OPTN: variants seen among roughly 807,000 people sequenced by gnomAD.
OPTN encodes the protein E3-14.7K-interacting protein.
A neutral mutation model predicts 70.4 loss-of-function variants in OPTN; 54 were observed. The ratio of observed to expected loss-of-function variants is 0.77; its 90% confidence interval spans 0.62 to 0.96. The LOEUF (loss-of-function observed/expected upper bound fraction) is 0.96. Among genes scored for constraint, OPTN ranks in the 40% least tolerant of loss-of-function variants. OPTN has a pLI of 0.00. For synonymous variants in OPTN, 256 were observed against 248.5 expected (o/e 1.03, Z -0.28); for missense variants, 624 against 673.2 (o/e 0.93, Z 0.81).
chr10:13,136,864 T>G lies in OPTN; in HGVS notation c.1732T>G (p.Ter578GluextTer53), dbSNP rs1833712680. The change falls in exon 15 of 15, where the codon TAA becomes GAA. Residue 578 changes from the stop codon to glutamate, a stop_lost. Coordinates refer to ENST00000378747, the MANE Select transcript of OPTN (RefSeq NM_001008212.2). Reference protein sequence around the residue: ...LQIHVMDCII* With the variant: ...LQIHVMDCIIE Reference sequence around the variant, plus strand: ...GATTCACGTGATGGATTGCATCATTTAAGTGTTGATGTATCACCTCCCCAA... The same window carrying G: ...GATTCACGTGATGGATTGCATCATTGAAGTGTTGATGTATCACCTCCCCAA... 24 of 1,614,128 alleles carry G rather than the reference T, an allele frequency of 1.5e-5. No homozygotes were observed. The highest frequency in any genetic ancestry group is 2.0e-5 in the Non-Finnish European group (24 of 1,180,054).
chr10:13,118,621 A>G lies in OPTN; in HGVS notation c.627-267A>G, dbSNP rs551052317. 3.3e-5 allele frequency among the ~76,000 whole-genome samples: 5 copies of G among 152,302 alleles called. No homozygotes were observed. In the South Asian group the frequency reaches 1.0e-3, roughly 32 times the overall value. Reference sequence around the variant, plus strand: ...AGTTTTGTGGTGTGGTGTGAGGTACACAGTGACTGTTTGGAGGACGTGGGT... The same window carrying G: ...AGTTTTGTGGTGTGGTGTGAGGTACGCAGTGACTGTTTGGAGGACGTGGGT... On this transcript the variant is annotated intron_variant, in intron 6 of 14. Coordinates refer to ENST00000378747, the MANE Select transcript of OPTN (RefSeq NM_001008212.2).
chr10:13,115,890 A>G (rs143964908), intron 5 of OPTN, among the ~76,000 whole-genome samples: 1 of 151,896 alleles, frequency 6.6e-6, no homozygotes, highest in Non-Finnish European at 1.5e-5. Flanking sequence ...AGCATTTTGC[A>G]TTTTAAAGGA....
rs1833724214 is a variant in OPTN, at chr10:13,137,457, C to A, written c.*591C>A. 4.3e-6 allele frequency: 1 copy of A among 231,472 alleles called. No homozygotes were observed. The highest frequency in any genetic ancestry group is 1.7e-4 in the South Asian group (1 of 5,996). The allele number at this position is 231,472 out of a possible 1,614,324, so 14.3% of individuals were successfully genotyped here. A position where few individuals can be genotyped will look rare whatever the true frequency, so the allele number is the denominator to read the frequency against. Reference sequence around the variant, plus strand: ...TGTTTGGTTGATGCGAGCAGCTGCACTGCTCATGCAGTTAGCTAGCATGTG... The same window carrying A: ...TGTTTGGTTGATGCGAGCAGCTGCAATGCTCATGCAGTTAGCTAGCATGTG... On this transcript the variant is annotated 3_prime_UTR_variant, in exon 15 of 15. Coordinates refer to ENST00000378747, the MANE Select transcript of OPTN (RefSeq NM_001008212.2).
At chr10:13,129,579 T>C (rs1833548949) in intron 12 of OPTN, among the ~76,000 whole-genome samples, 1 of 152,124 alleles carries the variant, frequency 6.6e-6, no homozygotes, top group Non-Finnish European at 1.5e-5. Context: ...TCTCGAACAG[T>C]TGACCTCATG....
chr10:13,118,953 T>C lies in OPTN; in HGVS notation c.692T>C (p.Leu231Ser). The part of the protein sequence containing the change: ...GAKNYFEHEE[L>S]TVSQLLLCLR... ...AAGAATTACTTCGAACATGAGGAGT[T>C]AACTGTGAGCCAGCTCCTGCTGTGC... Residue 231 changes from leucine to serine, a missense_variant, in exon 7 of 15, where the codon TTA becomes TCA. Leu to Ser is a moderately radical substitution (Grantham distance 145, BLOSUM62 -2). Coordinates refer to ENST00000378747, the MANE Select transcript of OPTN (RefSeq NM_001008212.2). 1 of 1,614,056 alleles carries C rather than the reference T, an allele frequency of 6.2e-7. No homozygotes were observed. Among genetic ancestry groups the C allele is most frequent in the African/African-American group, 1.3e-5 (1 of 75,038 alleles).
At chr10:13,123,605 G>A (rs964651552) in intron 8 of OPTN, among the ~76,000 whole-genome samples, 3 of 152,200 alleles carry the variant, frequency 2.0e-5, no homozygotes, top group African/African-American at 7.2e-5. Flanking sequence ...AAATAGTTGA[G>A]TAAACTAGAA....
chr10:13,115,518 TATTCTATAATATATA>T (rs1833180860), intron 5 of OPTN, among the ~76,000 whole-genome samples: 1 of 110,006 alleles, frequency 9.1e-6, no homozygotes, highest in East Asian at 2.6e-4. Flanking sequence ...ATATATAATA[TATTCTATAATATATA>T]ATATAGAATA....
At chr10:13,130,459 C>CAA (rs1833572645) in intron 12 of OPTN, among the ~76,000 whole-genome samples, 1 of 130,940 alleles carries the variant, frequency 7.6e-6, no homozygotes, top group African/African-American at 2.8e-5. Context: ...AAAAATCAGA[C>CAA]ACTGTTCTTA....
chr10:13,103,591 C>T (rs1001388636), intron 1 of OPTN, among the ~76,000 whole-genome samples: 2 of 152,172 alleles, frequency 1.3e-5, no homozygotes, highest in Non-Finnish European at 2.9e-5. Context: ...CATGTGCCAT[C>T]GAAACCAGAC....
chr10:13,119,603 A>G (rs193190449), intron 7 of OPTN, among the ~76,000 whole-genome samples: 55 of 152,262 alleles, frequency 3.6e-4, no homozygotes, highest in African/African-American at 1.2e-3. Context: ...CGGTATCGCT[A>G]TTTCATATTC....
At chr10:13,119,290 A>G (rs1303995382) in intron 7 of OPTN, among the ~76,000 whole-genome samples, 3 of 152,256 alleles carry the variant, frequency 2.0e-5, no homozygotes, top group African/African-American at 7.2e-5. Context: ...GACATTTCAT[A>G]TAAATGGAAT....
intron 5 of OPTN, 31 bp downstream of exon 5, chr10:13,112,666 C>A (rs1833034458): frequency 6.2e-7 from 1 of 1,604,046 alleles, no homozygotes; most frequent in South Asian, 1.1e-5. Context: ...TTGTTTTGAG[C>A]AAACTATAAA....
rs1332117621 is a variant in OPTN at position 13,137,166 on chromosome 10, C to T, written c.*300C>T. On this transcript the variant is annotated 3_prime_UTR_variant, in exon 15 of 15. Transcript: ENST00000378747. Reference sequence around the variant, plus strand: ...TGGTGGCGCATGCCTGTAGTCGCAGCTACTCGCGAGGTTGAGGCAGGAGAA... The same window carrying T: ...TGGTGGCGCATGCCTGTAGTCGCAGTTACTCGCGAGGTTGAGGCAGGAGAA... The T allele has an allele frequency of 4.6e-6, 2 of 436,780 alleles. No individual in the cohort carries two copies. Among genetic ancestry groups the T allele is most frequent in the South Asian group, 4.2e-5 (2 of 47,600 alleles). 27.1% of individuals were successfully genotyped at this position (436,780 alleles called of 1,614,324 possible). A position where few individuals can be genotyped will look rare whatever the true frequency, so the allele number is the denominator to read the frequency against.
At chr10:13,100,684 G>T (rs1322976478) in intron 1 of OPTN, among the ~76,000 whole-genome samples, 1 of 152,230 alleles carries the variant, frequency 6.6e-6, no homozygotes, top group Non-Finnish European at 1.5e-5. Flanking sequence ...AGACACGCCT[G>T]TGGGAGACAT....
chr10:13,120,819 A>G (rs1467219445), intron 7 of OPTN, among the ~76,000 whole-genome samples: 1 of 152,146 alleles, frequency 6.6e-6, no homozygotes, highest in Non-Finnish European at 1.5e-5. Flanking sequence ...ACCGCCTGAG[A>G]CTGGGTAATT....
chr10:13,124,051 T>TA lies in OPTN; in HGVS notation c.939_940insA (p.Gln314ThrfsTer11). ...AGGTGACATCTCTGTTTAAGGAGCTTCAAGAGGCTCATACAAAACTCAGCG... is the reference window on the plus strand; with the variant it reads ...AGGTGACATCTCTGTTTAAGGAGCTTACAAGAGGCTCATACAAAACTCAGCG... On this transcript the variant is annotated frameshift_variant, in exon 9 of 15. Transcript: ENST00000378747. LOFTEE classifies it high-confidence loss of function. The TA allele has an allele frequency of 6.2e-7, 1 of 1,613,900 alleles. No homozygotes were observed. The highest frequency in any genetic ancestry group is 8.5e-7 in the Non-Finnish European group (1 of 1,179,890).
chr10:13,115,191 TTATAGA>T (rs1833140569), intron 5 of OPTN, among the ~76,000 whole-genome samples: 1 of 23,340 alleles, frequency 4.3e-5, no homozygotes, highest in African/African-American at 1.3e-4. Context: ...ATATATATAT[TTATAGA>T]TATATCTATA....
At chr10:13,135,987 AACCAGCCT>A (rs1453998797) in intron 14 of OPTN, among the ~76,000 whole-genome samples, 3 of 152,126 alleles carry the variant, frequency 2.0e-5, no homozygotes, top group Non-Finnish European at 4.4e-5. Flanking sequence ...AGGAGTTCAG[AACCAGCCT>A]GGGCAACATA....
intron 4 of OPTN, among the ~76,000 whole-genome samples, chr10:13,111,206 G>A (rs1427942610): frequency 6.6e-6 from 1 of 152,050 alleles, no homozygotes; most frequent in Admixed American, 6.6e-5. Context: ...TGGTGGGAAC[G>A]TTTTTTCCTT....
Sources: gnomAD v4.1 joint callset for allele counts (sites outside exome capture counted in the v4.1 genomes callset) on GRCh38, gnomAD v4.1.1 for gene constraint, MANE v1.5 for transcripts, NCBI Gene and HGNC (gene_info 2026-07-23, HGNC 2026-07-21) for gene names.